The following DNAAF2 variants were observed in gnomAD, a reference collection of about 807,000 sequenced individuals.
DNAAF2 encodes the protein dynein axonemal assembly factor 2, also known as protein kintoun.
A neutral mutation model predicts 48.8 loss-of-function variants in DNAAF2; 58 were observed. The ratio of observed to expected loss-of-function variants is 1.19; its 90% CI spans 0.96 to 1.48. The LOEUF (loss-of-function observed/expected upper bound fraction) is 1.48. Ranked by LOEUF, DNAAF2 falls within the 40% of genes most tolerant of loss-of-function variation. DNAAF2 has a pLI of 0.00. For missense variants in DNAAF2, 1,241 were observed against 1,116.1 expected, an observed-to-expected ratio of 1.11 and a Z score of -1.59; for synonymous variants, 567 against 481.2, an observed-to-expected ratio of 1.18 and a Z score of -2.33.
Position 49,633,868 on chromosome 14 carries a change from C to T in DNAAF2, c.1282G>A (p.Gly428Arg). The T allele has an allele frequency of 1.3e-6, 2 of 1,542,326 alleles. No individual in the cohort carries two copies. The highest frequency in any genetic ancestry group is 1.7e-4 in the Middle Eastern group (1 of 5,798). Residue 428 changes from glycine to arginine, a missense_variant, in exon 1 of 3, where the codon GGA becomes AGA. By Grantham distance (125) the Gly-to-Arg change is moderately radical. Transcript: ENST00000298292. ...PEVAPPPAAA[G>R]EERVPKPGEQ... is the part of the protein sequence containing the mutation. ...CCCGGCTTGGGGACACGCTCCTCTC[C>T]AGCTGCGGCCGGCGGAGGCGCCACC...
At chr14:49,631,919 T>C (rs898112754) in intron 1 of DNAAF2, among the ~76,000 whole-genome samples, 10 of 152,216 alleles carry the variant, frequency 6.6e-5, no homozygotes, top group African/African-American at 2.4e-4. Flanking sequence ...CCTGGTCCAG[T>C]ACAAAGTAAA....
At position 49,635,221 on chromosome 14, in the gene DNAAF2, A is replaced by C. The variant is rs1883316001; in HGVS notation, c.-72T>G. On this transcript the variant is annotated 5_prime_UTR_variant, in exon 1 of 3. Coordinates refer to ENST00000298292, the MANE Select transcript of DNAAF2 (RefSeq NM_018139.3). ...CACTGGGTTGGGGGATCCGCCTCAG[A>C]GTTTCTGGGCAGCGTACAGTGACGC... The C allele has an allele frequency of 3.4e-6, 5 of 1,484,436 alleles. No homozygotes were observed. Among genetic ancestry groups the C allele is most frequent in the Non-Finnish European group, 2.8e-6 (3 of 1,090,512 alleles). The allele number at this position is 1,484,436 out of a possible 1,614,324, so 92.0% of individuals were successfully genotyped here. A position where few individuals can be genotyped will look rare whatever the true frequency, so the allele number is the denominator to read the frequency against.
intron 2 of DNAAF2, among the ~76,000 whole-genome samples, chr14:49,626,275 G>A (rs1323543816): frequency 3.3e-5 from 5 of 152,128 alleles, no homozygotes; most frequent in African/African-American, 9.7e-5. Flanking sequence ...ATCACTTGAG[G>A]TCAGGAGTTC....
chr14:49,630,761 T>C, intron 1 of DNAAF2, among the ~76,000 whole-genome samples: 2 of 81,402 alleles, frequency 2.5e-5, no homozygotes, highest in East Asian at 2.1e-4. Context: ...ACACACTTTT[T>C]TTTTTTTTGA....
At chr14:49,632,447 CTTT>C (rs3029726) in intron 1 of DNAAF2, among the ~76,000 whole-genome samples, 29,300 of 147,004 alleles carry the variant, frequency 0.2, 3,053 homozygotes, top group Admixed American at 0.29. Flanking sequence ...CTTAATTTTT[CTTT>C]TTTTTTTTTT....
intron 1 of DNAAF2, among the ~76,000 whole-genome samples, chr14:49,628,456 T>C (rs539842067): frequency 1.4e-3 from 218 of 152,298 alleles, no homozygotes; most frequent in Middle Eastern, 3.4e-3. Flanking sequence ...TTTTTGTTTC[T>C]TTTGTTTTGT....
intron 1 of DNAAF2, among the ~76,000 whole-genome samples, chr14:49,631,095 C>T (rs1446634890): frequency 2.0e-5 from 3 of 152,024 alleles, no homozygotes; most frequent in African/African-American, 7.2e-5. Flanking sequence ...TGAAAACCTA[C>T]CAAACAAAAG....
chr14:49,625,803 T>C lies in DNAAF2; in HGVS notation c.2253A>G (p.Gln751=). The C allele has an allele frequency of 2.5e-6, 4 of 1,608,072 alleles. No homozygotes were observed. The highest frequency in any genetic ancestry group is 1.3e-5 in the African/African-American group (1 of 74,596). ...GKSQQPESKM[Q]SEFIKEKSAT... ...CACTTTTTTCTTTTATAAATTCAGA[T>C]TGCATTTTTGACTCAGGTTGCTGAG... The change falls in exon 3 of 3, where the codon CAA becomes CAG. Residue 751 remains glutamine, a synonymous_variant. Transcript: ENST00000298292.
intron 2 of DNAAF2, among the ~76,000 whole-genome samples, chr14:49,626,502 C>CA (rs1367063011): frequency 6.6e-6 from 1 of 152,124 alleles, no homozygotes; most frequent in East Asian, 1.9e-4. Context: ...AAGAAAAAGA[C>CA]AGGCAGCATT....
chr14:49,627,947 A>G, intron 2 of DNAAF2, 65 bp downstream of exon 2: 4 of 1,411,918 alleles, frequency 2.8e-6, no homozygotes, highest in Non-Finnish European at 3.8e-6. Context: ...TTAAGAAATC[A>G]ATAATTTGTT....
Position 49,635,212 on chromosome 14 carries a change from C to T in DNAAF2, c.-63G>A. 3 of 1,510,796 alleles carry T rather than the reference C, an allele frequency of 2.0e-6. No homozygotes were observed. Among genetic ancestry groups the T allele is most frequent in the Non-Finnish European group, 2.7e-6 (3 of 1,113,942 alleles). The allele number at this position is 1,510,796 out of a possible 1,614,324, so 93.6% of individuals were successfully genotyped here. On this transcript the variant is annotated 5_prime_UTR_variant, in exon 1 of 3. Coordinates refer to ENST00000298292, the MANE Select transcript of DNAAF2 (RefSeq NM_018139.3). Reference sequence around the variant, plus strand: ...TCAGTCTGACACTGGGTTGGGGGATCCGCCTCAGAGTTTCTGGGCAGCGTA... The same window carrying T: ...TCAGTCTGACACTGGGTTGGGGGATTCGCCTCAGAGTTTCTGGGCAGCGTA...
chr14:49,633,835 C>A lies in DNAAF2; in HGVS notation c.1315G>T (p.Asp439Tyr). 6.4e-7 allele frequency: 1 copy of A among 1,573,086 alleles called. No individual in the cohort carries two copies. Among genetic ancestry groups the A allele is most frequent in the Non-Finnish European group, 8.6e-7 (1 of 1,167,466 alleles). The change falls in exon 1 of 3, where the codon GAC becomes TAC. Residue 439 changes from aspartate to tyrosine, a missense_variant. Asp to Tyr is a radical substitution (Grantham distance 160). Coordinates refer to ENST00000298292, the MANE Select transcript of DNAAF2 (RefSeq NM_018139.3). ...EERVPKPGEQ[D>Y]LSRHAGSPPG... ...GGTGACCCCGCGTGCCTGCTCAAGT[C>A]CTGCTCCCCCGGCTTGGGGACACGC... is the stretch of plus-strand genomic sequence containing the variant.
chr14:49,631,750 G>A (rs967612209), intron 1 of DNAAF2, among the ~76,000 whole-genome samples: 1 of 152,184 alleles, frequency 6.6e-6, no homozygotes, highest in African/African-American at 2.4e-5. Context: ...AGTAAACACT[G>A]AAAACTTCAA....
Position 49,635,169 on chromosome 14 carries a change from C to T in DNAAF2, c.-20G>A, listed in dbSNP as rs1472813421. ...GGCCATACTGTCCTGTGGCTCCTCGCCCTCGGGCCAAAGGCGATCAGTCTG... is the reference window on the plus strand; with the variant it reads ...GGCCATACTGTCCTGTGGCTCCTCGTCCTCGGGCCAAAGGCGATCAGTCTG... On this transcript the variant is annotated 5_prime_UTR_variant, in exon 1 of 3. Transcript: ENST00000298292. 1.3e-6 allele frequency: 2 copies of T among 1,551,302 alleles called. No individual in the cohort carries two copies. Among genetic ancestry groups the T allele is most frequent in the African/African-American group, 1.4e-5 (1 of 73,264 alleles).
intron 2 of DNAAF2, 76 bp from the exon 3 acceptor site, chr14:49,626,124 A>C (rs1366080173): frequency 1.6e-6 from 2 of 1,237,280 alleles, no homozygotes; most frequent in Non-Finnish European, 2.1e-6. Flanking sequence ...TCTGGAAATA[A>C]AATTTTTAAC....
rs1883271386 is a variant in DNAAF2, at chr14:49,634,389, C to G, written c.761G>C (p.Arg254Pro). Reference sequence around the variant, plus strand: ...GTGGTGGCGCTGCACCACGCTGTAGCGAGGCTCGGTGGGGGCGGGCTGCAA... The same window carrying G: ...GTGGTGGCGCTGCACCACGCTGTAGGGAGGCTCGGTGGGGGCGGGCTGCAA... ...AALQPAPTEP[R>P]YSVVQRHHVD... The change falls in exon 1 of 3, where the codon CGC becomes CCC. Residue 254 changes from arginine (R) to proline (P), a missense_variant. Arg to Pro is a moderately radical substitution (Grantham distance 103, BLOSUM62 -2). Transcript: ENST00000298292. 4 of 1,593,296 alleles carry G rather than the reference C, an allele frequency of 2.5e-6. No individual in the cohort carries two copies. Among genetic ancestry groups the G allele is most frequent in the African/African-American group, 1.3e-5 (1 of 74,616 alleles).
chr14:49,625,493 T>A lies in DNAAF2; in HGVS notation c.*49A>T, dbSNP rs1190241660. 8.0e-7 allele frequency: 1 copy of A among 1,243,590 alleles called. No homozygotes were observed. The highest frequency in any genetic ancestry group is 2.3e-5 in the South Asian group (1 of 43,004). The allele number at this position is 1,243,590 out of a possible 1,614,324, so 77.0% of individuals were successfully genotyped here. A position where few individuals can be genotyped will look rare whatever the true frequency, so the allele number is the denominator to read the frequency against. On this transcript the variant is annotated 3_prime_UTR_variant, in exon 3 of 3. Coordinates refer to ENST00000298292, the MANE Select transcript of DNAAF2 (RefSeq NM_018139.3). ...AACAGTTAACAGAATCAATTTTAGATACAGGTATTTTTTAACCTTAATATT... is the reference window on the plus strand; with the variant it reads ...AACAGTTAACAGAATCAATTTTAGAAACAGGTATTTTTTAACCTTAATATT...
chr14:49,626,093 C>A, intron 2 of DNAAF2, 45 bp from the exon 3 acceptor site: 3 of 1,353,938 alleles, frequency 2.2e-6, no homozygotes, highest in Non-Finnish European at 2.9e-6. Context: ...TTAAATAATA[C>A]AAAATTAAAT....
Position 49,633,303 on chromosome 14 carries a change from T to A in DNAAF2, c.1847A>T (p.Asn616Ile), listed in dbSNP as rs763084436. The A allele has an allele frequency of 2.5e-6, 4 of 1,613,636 alleles. No individual in the cohort carries two copies. Among genetic ancestry groups the A allele is most frequent in the Non-Finnish European group, 3.4e-6 (4 of 1,179,594 alleles). Residue 616 changes from asparagine (N) to isoleucine (I), a missense_variant, in exon 1 of 3, where the codon AAC becomes ATC. Physicochemically the swap from Asn to Ile is moderately radical, Grantham distance 149 (BLOSUM62 -3). Transcript: ENST00000298292. Reference protein sequence around the residue: ...GHWREWYYGVNNDSLEERLFV... With the variant: ...GHWREWYYGVINDSLEERLFV... ...AACTGTTACCTCCAAAGAATCGTTG[T>A]TTACACCATAATACCACTCTCTCCA...
Sources: allele counts gnomAD v4.1 joint callset (sites outside exome capture counted in the v4.1 genomes callset), GRCh38; gene constraint gnomAD v4.1.1; transcripts MANE v1.5; gene names NCBI Gene and HGNC (gene_info 2026-07-23, HGNC 2026-07-21).